RPAP1: variants seen among roughly 807,000 people sequenced by gnomAD.
RPAP1 encodes the protein RNA polymerase II associated protein 1, also known as RNA polymerase II-associated protein 1.
RPAP1 carries 109 observed loss-of-function variants against 142.4 expected under a neutral mutation model. That is an observed-to-expected ratio of 0.77 (90% confidence interval 0.66 to 0.90). RPAP1 has a LOEUF of 0.90. Ranked by LOEUF, RPAP1 falls within the 40% of genes least tolerant of loss-of-function variation. The pLI, the probability that RPAP1 is intolerant of heterozygous loss-of-function variation, is 0.00. For missense variants in RPAP1, 1,546 were observed against 1,751.7 expected, an observed-to-expected ratio of 0.88 and a Z score of 2.10; for synonymous variants, 704 against 738.9, an observed-to-expected ratio of 0.95 and a Z score of 0.77.
Position 41,534,806 on chromosome 15 carries a change from G to A in RPAP1, c.671C>T (p.Ala224Val). Residue 224 changes from alanine to valine, a missense_variant, in exon 6 of 25, where the codon GCC becomes GTC. By Grantham distance (64) the Ala-to-Val change is moderately conservative. Coordinates refer to ENST00000304330, the MANE Select transcript of RPAP1 (RefSeq NM_015540.4). ...GLRDQEAEQEAQTIHEENIAR... is the reference protein window; with the variant it reads ...GLRDQEAEQEVQTIHEENIAR... ...TATGTTCTCTTCATGGATAGTCTGG[G>A]CTTCCTGCTCAGCTTCTTGATCCCT... 1 of 1,614,038 alleles carries A rather than the reference G, an allele frequency of 6.2e-7. No homozygotes were observed.
rs746139146 is a variant in RPAP1 at position 41,523,936 on chromosome 15, G to A, written c.2271C>T (p.Ser757=). The A allele has an allele frequency of 7.4e-6, 12 of 1,610,922 alleles. No individual in the cohort carries two copies. The highest frequency in any genetic ancestry group is 1.0e-5 in the Non-Finnish European group (12 of 1,178,524). The part of the protein sequence containing the change: ...SAEASLSATP[S]LVTWTQVSGL... ...CAGACACCTGTGTCCAAGTGACTAA[G>A]GAAGGGGTGGCCGAGAGGCTGGCCT... is the stretch of plus-strand genomic sequence containing the variant. Residue 757 remains serine, a synonymous_variant, in exon 17 of 25, where the codon TCC becomes TCT. Transcript: ENST00000304330.
intron 7 of RPAP1, 128 bp downstream of exon 7, chr15:41,530,895 T>G: frequency 1.1e-6 from 1 of 876,284 alleles, no homozygotes; most frequent in Non-Finnish European, 1.8e-6. Context: ...TTGAAGCCAA[T>G]AATGAGGATT....
intron 12 of RPAP1, 34 bp from the exon 13 acceptor site, chr15:41,527,335 G>A (rs1036202294): frequency 6.2e-7 from 1 of 1,613,668 alleles, no homozygotes; most frequent in African/African-American, 1.3e-5. Flanking sequence ...ACTGACAAAT[G>A]CAGCTGGACC....
rs756112000 is a variant in RPAP1 at position 41,520,983 on chromosome 15, G to A, written c.3203C>T (p.Ala1068Val). The A allele has an allele frequency of 1.0e-5, 16 of 1,607,716 alleles. No homozygotes were observed. The highest frequency in any genetic ancestry group is 3.3e-5 in the South Asian group (3 of 89,862). Residue 1068 changes from alanine to valine, a missense_variant, in exon 22 of 25, where the codon GCC becomes GTC. Physicochemically the swap from Ala to Val is moderately conservative, Grantham distance 64. Transcript: ENST00000304330. Reference sequence around the variant, plus strand: ...CAGAGCCTGGGAGGCCAGCAGACTGGCTCGGGCTGGCGAGCAATGAGTCAG... The same window carrying A: ...CAGAGCCTGGGAGGCCAGCAGACTGACTCGGGCTGGCGAGCAATGAGTCAG... ...CYLTHCSPAR[A>V]SLLASQALHR...
At chr15:41,536,750 G>A (rs1430663122) in intron 2 of RPAP1, 101 bp from the exon 3 acceptor site, 3 of 1,479,912 alleles carry the variant, frequency 2.0e-6, no homozygotes, top group Admixed American at 4.1e-5. Flanking sequence ...CCTGGCTCAA[G>A]CTGTGTCATC....
At position 41,531,150 on chromosome 15, in the gene RPAP1, T is replaced by G; in HGVS notation, c.816A>C (p.Thr272=). ...LRSHSHTQEQ[T]GETASEEQRP... is the part of the protein sequence containing the mutation. ...TCTGCTCCTCAGAGGCTGTCTCTCCTGTTTGCTCTTGCGTGTGGCTGTGAG... is the reference window on the plus strand; with the variant it reads ...TCTGCTCCTCAGAGGCTGTCTCTCCGGTTTGCTCTTGCGTGTGGCTGTGAG... Residue 272 remains threonine, a synonymous_variant, in exon 7 of 25, where the codon ACA becomes ACC. Coordinates refer to ENST00000304330, the MANE Select transcript of RPAP1 (RefSeq NM_015540.4). The G allele has an allele frequency of 6.2e-7, 1 of 1,613,942 alleles. No homozygotes were observed. The highest frequency in any genetic ancestry group is 1.3e-5 in the African/African-American group (1 of 75,038).
At chr15:41,520,266 C>T in intron 22 of RPAP1, 125 bp downstream of exon 22, 1 of 1,033,384 alleles carries the variant, frequency 9.7e-7, no homozygotes, top group Non-Finnish European at 1.4e-6. Context: ...TTCTCTTAAT[C>T]CCCTCAAAGC....
intron 6 of RPAP1, among the ~76,000 whole-genome samples, chr15:41,531,625 ATAT>A (rs1566887944): frequency 6.5e-5 from 1 of 15,296 alleles, no homozygotes; most frequent in Non-Finnish European, 1.1e-4. Flanking sequence ...ATATATATAT[ATAT>A]TTTTTTTTTT....
rs1362807273 is a variant in RPAP1 at position 41,536,925 on chromosome 15, T to C, written c.181+20A>G. The stretch of plus-strand genomic sequence containing the variant: ...GCTGTACCCTCTCTACTTCTCAGCC[T>C]CACATCCATGGGAACTCACTGTCCA... On this transcript the variant is annotated intron_variant, in intron 2 of 24. Coordinates refer to ENST00000304330, the MANE Select transcript of RPAP1 (RefSeq NM_015540.4). The C allele has an allele frequency of 6.2e-7, 1 of 1,610,110 alleles. No homozygotes were observed. Among genetic ancestry groups the C allele is most frequent in the East Asian group, 2.2e-5 (1 of 44,782 alleles).
Position 41,524,911 on chromosome 15 carries a change from G to A in RPAP1, c.2075+80C>T. The A allele has an allele frequency of 2.8e-6, 4 of 1,447,264 alleles. No homozygotes were observed. In the East Asian group the frequency reaches 9.4e-5, roughly 34 times the overall value. The allele number at this position is 1,447,264 out of a possible 1,614,324, so 89.7% of individuals were successfully genotyped here. On this transcript the variant is annotated intron_variant, in intron 15 of 24. Transcript: ENST00000304330. ...CCTTCCTCCAAGCTTGGGACCTTGA[G>A]CAAGGCTGAGGTGTTTGATTTGGCC...
chr15:41,528,484 G>C, intron 9 of RPAP1, 148 bp from the exon 10 acceptor site: 2 of 629,128 alleles, frequency 3.2e-6, no homozygotes, highest in Non-Finnish European at 2.8e-6. Flanking sequence ...GATAAGACTT[G>C]CATACAAGTA....
rs764031765 is a variant in RPAP1 at position 41,520,930 on chromosome 15, T to A, written c.3256A>T (p.Thr1086Ser). The change falls in exon 22 of 25, where the codon ACC (threonine) becomes TCC (serine). Residue 1086 changes from threonine (T) to serine (S), a missense_variant. Transcript: ENST00000304330. ...TCCGTAGGCATGGGCAGTAGCAGGG[T>A]TGGGACTCGCTGTAGCTCCCCTCGG... ...LHRGELQRVPTLLLPMPTEPL... is the reference protein window; with the variant it reads ...LHRGELQRVPSLLLPMPTEPL... 5.6e-6 allele frequency: 9 copies of A among 1,612,880 alleles called. No homozygotes were observed. Among genetic ancestry groups the A allele is most frequent in the Non-Finnish European group, 7.6e-6 (9 of 1,179,650 alleles).
intron 7 of RPAP1, 125 bp from the exon 8 acceptor site, chr15:41,530,104 G>A (rs16971844): frequency 0.11 from 82,731 of 728,066 alleles, 7,142 homozygotes; most frequent in African/African-American, 0.37. Context: ...TCTACCCTCG[G>A]TTATGGCTAA....
At chr15:41,522,700 C>CCCCCAATA in intron 19 of RPAP1, 65 bp downstream of exon 19, 2 of 1,232,462 alleles carry the variant, frequency 1.6e-6, no homozygotes, top group Non-Finnish European at 1.1e-6. Context: ...CACCCTCCCA[C>CCCCCAATA]TTTCTTTCTG....
intron 6 of RPAP1, among the ~76,000 whole-genome samples, chr15:41,532,566 A>G (rs762866180): frequency 2.0e-5 from 3 of 152,222 alleles, no homozygotes; most frequent in Non-Finnish European, 4.4e-5. Flanking sequence ...GAGGCATAGC[A>G]TAGAACAGTA....
chr15:41,540,715 A>G (rs1393426628), intron 1 of RPAP1, among the ~76,000 whole-genome samples: 2 of 152,200 alleles, frequency 1.3e-5, no homozygotes, highest in Admixed American at 1.3e-4. Flanking sequence ...AATCCCAGTC[A>G]GTCCATGCTC....
In RPAP1 at chr15:41,527,416, C is replaced by T. The variant is rs368789864; in HGVS notation, c.1611+7G>A. On this transcript the variant is annotated splice_region_variant and intron_variant, in intron 12 of 24. Coordinates refer to ENST00000304330, the MANE Select transcript of RPAP1 (RefSeq NM_015540.4). ...GCCATGGGATGGGAAAGAAGCTGTC[C>T]CTTTACCTTGATGACATCATGTCGG... The T allele has an allele frequency of 2.5e-6, 4 of 1,613,854 alleles. No individual in the cohort carries two copies. The African/African-American group carries it at 4.0e-5, about 16-fold the overall frequency.
intron 1 of RPAP1, among the ~76,000 whole-genome samples, chr15:41,539,279 G>GT (rs758427701): frequency 0.011 from 1,542 of 142,050 alleles, 15 homozygotes; most frequent in African/African-American, 0.03. Flanking sequence ...GCTAATTTTT[G>GT]TTTTTTTTTT....
chr15:41,527,299 C>T lies in RPAP1; in HGVS notation c.1614G>A (p.Gly538=). Residue 538 remains glycine (G), a splice_region_variant and synonymous_variant, in exon 13 of 25, where the codon GGG becomes GGA. Transcript: ENST00000304330. ...GAGGCAGCAGGCTGGTAGCCAGGAG[C>T]CCCTGGGAGTTGGAGAGAGAAACCC... ...PDLARHDVIK[G]LLATSLLPRL... 6.2e-7 allele frequency: 1 copy of T among 1,614,046 alleles called. No homozygotes were observed. Among genetic ancestry groups the T allele is most frequent in the Non-Finnish European group, 8.5e-7 (1 of 1,180,000 alleles).
Sources: allele counts gnomAD v4.1 joint callset (sites outside exome capture counted in the v4.1 genomes callset), GRCh38; gene constraint gnomAD v4.1.1; transcripts MANE v1.5; gene names NCBI Gene and HGNC (gene_info 2026-07-23, HGNC 2026-07-21).